Variants in USP49 observed in about 807,000 individuals in gnomAD.
USP49 encodes the protein ubiquitin carboxyl-terminal hydrolase 49.
In USP49, 24 loss-of-function variants were observed where a neutral mutation model predicts 58.6. The ratio of observed to expected loss-of-function variants is 0.41; its 90% CI spans 0.30 to 0.58. USP49 has a LOEUF of 0.58. Ranked by LOEUF, USP49 falls within the 20% of genes least tolerant of loss-of-function variation. USP49 has a pLI of 0.30. For synonymous variants in USP49, 408 were observed against 365.1 expected (o/e 1.12, Z -1.34); for missense variants, 703 against 866.1 (o/e 0.81, Z 2.36).
At chr6:41,855,422 C>T (rs1774109499) in intron 3 of USP49, among the ~76,000 whole-genome samples, 1 of 151,176 alleles carries the variant, frequency 6.6e-6, no homozygotes, top group African/African-American at 2.4e-5. Context: ...GGCTGAGGCA[C>T]AAGAATCACT....
chr6:41,815,789 C>T (rs1773339091), intron 3 of USP49, among the ~76,000 whole-genome samples: 1 of 152,198 alleles, frequency 6.6e-6, no homozygotes, highest in Non-Finnish European at 1.5e-5. Flanking sequence ...TGCCAGAGCC[C>T]TTGTGAGGTG....
chr6:41,890,530 T>C (rs1368803614), intron 2 of USP49, among the ~76,000 whole-genome samples: 1 of 152,102 alleles, frequency 6.6e-6, no homozygotes, highest in Non-Finnish European at 1.5e-5. Context: ...CTGGGCAACA[T>C]GGTGAAACCT....
intron 3 of USP49, among the ~76,000 whole-genome samples, chr6:41,833,217 C>T (rs1052398644): frequency 1.1e-4 from 16 of 151,618 alleles, no homozygotes; most frequent in Admixed American, 2.0e-4. Flanking sequence ...GGGGTTTCAC[C>T]GTGTTAGCCA....
At chr6:41,802,457 TTTATTTATTTATTTTTTATTTA>T (rs1773030011) in intron 5 of USP49, among the ~76,000 whole-genome samples, 3 of 80,394 alleles carry the variant, frequency 3.7e-5, no homozygotes, top group African/African-American at 1.5e-4. Flanking sequence ...TATTTATTTA[TTTATTTATTTATTTTTTATTTA>T]TTTTTTTTTT....
rs573777036 is a variant in USP49 at position 41,887,865 on chromosome 6, C to G, written c.-103+3929G>C. On this transcript the variant is annotated intron_variant, in intron 2 of 7. Coordinates refer to ENST00000682992, the MANE Select transcript of USP49 (RefSeq NM_001286554.2). ...ATATAATAAAAAACCCTGAAAATTT[C>G]AGGAGAATGCCTTACTTTCCAGACT... 1.2e-4 allele frequency among the ~76,000 whole-genome samples: 18 copies of G among 152,282 alleles called. No individual in the cohort carries two copies. The East Asian group carries it at 3.1e-3, about 26-fold the overall frequency.
At position 41,796,368 on chromosome 6, in the gene USP49, G is replaced by A. The variant is rs1581986326; in HGVS notation, c.*165C>T. The A allele has an allele frequency of 3.7e-6, 2 of 533,456 alleles. No homozygotes were observed. The highest frequency in any genetic ancestry group is 3.1e-5 in the South Asian group (1 of 31,882). 33.0% of individuals were successfully genotyped at this position (533,456 alleles called of 1,614,324 possible). A position where few individuals can be genotyped will look rare whatever the true frequency, so the allele number is the denominator to read the frequency against. ...AACTCCCAAACTCATTCAAAAGAAA[G>A]AGACTATAAAATTTACGACAGGACA... On this transcript the variant is annotated 3_prime_UTR_variant, in exon 8 of 8. Transcript: ENST00000682992.
chr6:41,860,870 C>A (rs1774208983), intron 3 of USP49, among the ~76,000 whole-genome samples: 1 of 152,118 alleles, frequency 6.6e-6, no homozygotes, highest in Admixed American at 6.5e-5. Flanking sequence ...GTGGCCCATG[C>A]CTGTAATCCT....
chr6:41,850,846 C>T (rs1433209748), intron 3 of USP49, among the ~76,000 whole-genome samples: 2 of 151,996 alleles, frequency 1.3e-5, no homozygotes, highest in African/African-American at 4.8e-5. Context: ...CCTGATCCGC[C>T]CACCTCGACC....
chr6:41,853,536 GTTT>G (rs1014105276), intron 3 of USP49, among the ~76,000 whole-genome samples: 2 of 152,130 alleles, frequency 1.3e-5, no homozygotes, highest in Non-Finnish European at 2.9e-5. Context: ...TAAATTTTAT[GTTT>G]TTTTACCACA....
intron 3 of USP49, among the ~76,000 whole-genome samples, chr6:41,823,965 C>CA (rs1773494685): frequency 6.6e-6 from 1 of 152,142 alleles, no homozygotes; most frequent in Non-Finnish European, 1.5e-5. Context: ...CTATAAGCCT[C>CA]AGTTTCTTAC....
chr6:41,842,312 G>T (rs1773841404), intron 3 of USP49, among the ~76,000 whole-genome samples: 1 of 151,836 alleles, frequency 6.6e-6, no homozygotes, highest in African/African-American at 2.4e-5. Flanking sequence ...GGTGGAGGTT[G>T]CAGTGAGCCG....
chr6:41,802,460 A>ATTTTTTTTTTT (rs71545916), intron 5 of USP49, among the ~76,000 whole-genome samples: 4 of 71,396 alleles, frequency 5.6e-5, no homozygotes, highest in African/African-American at 1.7e-4. Context: ...TTATTTATTT[A>ATTTTTTTTTTT]TTTATTTATT....
chr6:41,852,276 G>A (rs1056778822), intron 3 of USP49, among the ~76,000 whole-genome samples: 1 of 152,162 alleles, frequency 6.6e-6, no homozygotes, highest in Non-Finnish European at 1.5e-5. Flanking sequence ...AGTGAGCTGA[G>A]ATTGTGCCCC....
intron 3 of USP49, among the ~76,000 whole-genome samples, chr6:41,870,753 G>C (rs1774400367): frequency 7.2e-6 from 1 of 139,800 alleles, no homozygotes; most frequent in Non-Finnish European, 1.5e-5. Context: ...TAGAATTCCT[G>C]GTCTCAGCCA....
Position 41,793,191 on chromosome 6 carries a change from C to T in USP49, c.*3342G>A, listed in dbSNP as rs1772826938. The T allele has an allele frequency of 6.5e-6, 1 of 152,716 alleles. No individual in the cohort carries two copies. Among genetic ancestry groups the T allele is most frequent in the Non-Finnish European group, 1.5e-5 (1 of 68,446 alleles). The allele number at this position is 152,716 out of a possible 1,614,324, so 9.5% of individuals were successfully genotyped here. ...ATTGAGTCCATAGGACACATTAACACTTCTACAGTTTCCAATTTTATTCAT... is the reference window on the plus strand; with the variant it reads ...ATTGAGTCCATAGGACACATTAACATTTCTACAGTTTCCAATTTTATTCAT... On this transcript the variant is annotated 3_prime_UTR_variant, in exon 8 of 8. Coordinates refer to ENST00000682992, the MANE Select transcript of USP49 (RefSeq NM_001286554.2).
At chr6:41,865,330 C>A (rs1470057056) in intron 3 of USP49, among the ~76,000 whole-genome samples, 1 of 152,134 alleles carries the variant, frequency 6.6e-6, no homozygotes, top group African/African-American at 2.4e-5. Flanking sequence ...CAGGCATGAG[C>A]CACAGCACCC....
chr6:41,804,086 G>A, intron 4 of USP49, 76 bp from the exon 5 acceptor site: 4 of 1,334,982 alleles, frequency 3.0e-6, no homozygotes, highest in South Asian at 1.4e-5. Context: ...CTTCATAAAA[G>A]ACACACTTTA....
chr6:41,832,691 C>CA lies in USP49; in HGVS notation c.-28-25681dup, dbSNP rs200586241. Among the ~76,000 whole-genome samples the CA allele has an allele frequency of 6.4e-3, 968 of 151,446 alleles. 8 individuals are homozygous for CA. The highest frequency in any genetic ancestry group is 0.02 in the African/African-American group (845 of 41,290). On this transcript the variant is annotated intron_variant, in intron 3 of 7. Coordinates refer to ENST00000682992, the MANE Select transcript of USP49 (RefSeq NM_001286554.2). ...AAGCACTTTATCACTAGAAATTAGT[C>CA]AAAAAAAAATTTTCTGAGCACTCGC...
In USP49 at chr6:41,795,553, T is replaced by C. The variant is rs1434620940; in HGVS notation, c.*980A>G. Reference sequence around the variant, plus strand: ...CCAAACCCTGTGAACATGAATGTTCTAGCTCTCCAGGAGCAAGAAAGAAGC... The same window carrying C: ...CCAAACCCTGTGAACATGAATGTTCCAGCTCTCCAGGAGCAAGAAAGAAGC... On this transcript the variant is annotated 3_prime_UTR_variant, in exon 8 of 8. Coordinates refer to ENST00000682992, the MANE Select transcript of USP49 (RefSeq NM_001286554.2). 6.6e-6 allele frequency: 1 copy of C among 152,260 alleles called. No individual in the cohort carries two copies. The highest frequency in any genetic ancestry group is 2.4e-5 in the African/African-American group (1 of 41,454). 9.4% of individuals were successfully genotyped at this position (152,260 alleles called of 1,614,324 possible). A position where few individuals can be genotyped will look rare whatever the true frequency, so the allele number is the denominator to read the frequency against.
Sources: gnomAD v4.1 joint callset for allele counts (sites outside exome capture counted in the v4.1 genomes callset) on GRCh38, gnomAD v4.1.1 for gene constraint, MANE v1.5 for transcripts, NCBI Gene and HGNC (gene_info 2026-07-23, HGNC 2026-07-21) for gene names.